The following SPTB variants were observed in gnomAD, a reference collection of about 807,000 sequenced individuals.
The protein encoded by SPTB is spectrin beta chain, erythrocytic.
A neutral mutation model predicts 256.2 loss-of-function variants in SPTB; 45 were observed. The ratio of observed to expected loss-of-function variants is 0.18; its 90% CI spans 0.14 to 0.23. SPTB has a LOEUF of 0.23. Ranked by LOEUF, SPTB falls within the 10% of genes least tolerant of loss-of-function variation. The pLI is 1.00. For missense variants in SPTB, 2,715 were observed against 3,040.4 expected, an observed-to-expected ratio of 0.89 and a Z score of 2.52; for synonymous variants, 1,231 against 1,243.1, an observed-to-expected ratio of 0.99 and a Z score of 0.21.
In SPTB at chr14:64,748,353, G is replaced by A. The variant is rs1030050808; in HGVS notation, c.*953C>T. On this transcript the variant is annotated 3_prime_UTR_variant, in exon 36 of 36. Coordinates refer to ENST00000644917, the MANE Select transcript of SPTB (RefSeq NM_001355436.2). Reference sequence around the variant, plus strand: ...GGGGGCCCACACTGTCCCGTAGGGGGCCTATGTCTGTTGGATATTGCTGGT... The same window carrying A: ...GGGGGCCCACACTGTCCCGTAGGGGACCTATGTCTGTTGGATATTGCTGGT... The A allele has an allele frequency of 1.1e-4, 17 of 152,420 alleles. No homozygotes were observed. The highest frequency in any genetic ancestry group is 3.4e-4 in the African/African-American group (14 of 41,578). The allele number at this position is 152,420 out of a possible 1,614,324, so 9.4% of individuals were successfully genotyped here.
rs557762863 is a variant in SPTB, at chr14:64,852,280, G to A, written c.-52+27512C>T. ...GGCACAACAGGGAAGTAAGAGGAAA[G>A]CATATGTGGAGGCATGGAAGGATGG... On this transcript the variant is annotated intron_variant, in intron 1 of 35. Coordinates refer to ENST00000644917, the MANE Select transcript of SPTB (RefSeq NM_001355436.2). The surrounding 1 kb of genome is among the most constrained non-coding windows in gnomAD (Gnocchi z 4.2). Among the ~76,000 whole-genome samples the A allele has an allele frequency of 6.6e-6, 1 of 152,212 alleles. No homozygotes were observed. The highest frequency in any genetic ancestry group is 2.4e-5 in the African/African-American group (1 of 41,522).
In SPTB at chr14:64,787,039, C is replaced by A; in HGVS notation, c.2926G>T (p.Val976Leu). ...CCCAGGTCTTTTGTGGACTCCACTA[C>A]CTTTGTCTTGTCCGTGATCCACTTG... ...TSKWITDKTK[V>L]VESTKDLGRD... The change falls in exon 16 of 36, where the codon GTA (valine) becomes TTA (leucine). Residue 976 changes from valine (V) to leucine (L), a missense_variant. Physicochemically the swap from Val to Leu is conservative, Grantham distance 32. This residue lies in a region of SPTB where 2,239 missense variants were observed against 2,384.4 expected (regional missense o/e 0.94). Transcript: ENST00000644917. The A allele has an allele frequency of 1.2e-6, 2 of 1,614,074 alleles. No individual in the cohort carries two copies. The highest frequency in any genetic ancestry group is 3.3e-5 in the Admixed American group (2 of 60,016).
rs950925769 is a variant in SPTB, at chr14:64,844,551, C to T, written c.-51-21406G>A. 6.6e-6 allele frequency among the ~76,000 whole-genome samples: 1 copy of T among 152,216 alleles called. No homozygotes were observed. The highest frequency in any genetic ancestry group is 2.4e-5 in the African/African-American group (1 of 41,450). On this transcript the variant is annotated intron_variant, in intron 1 of 35. Transcript: ENST00000644917. This position sits in a 1 kb window ranked among gnomAD's most constrained non-coding sequence, Gnocchi z 4.1. The stretch of plus-strand genomic sequence containing the variant: ...GTTAAGCTACTTGCCCAAAGTCACA[C>T]AACTGTGAGAAGCCTGATGCCGGTC...
intron 32 of SPTB, among the ~76,000 whole-genome samples, chr14:64,765,017 A>AGTGTGTGTGTGTGTGTGT (rs749379191): frequency 0.02 from 2,160 of 108,518 alleles, 32 homozygotes; most frequent in African/African-American, 0.028. Flanking sequence ...GCCACAGAGG[A>AGTGTGTGTGTGTGTGTGT]GTGTGTGCGT....
chr14:64,867,381 C>A (rs1882249047), intron 1 of SPTB, among the ~76,000 whole-genome samples: 1 of 152,192 alleles, frequency 6.6e-6, no homozygotes, highest in South Asian at 2.1e-4. Context: ...GTCTCTTCCT[C>A]AAGGAACTCA....
Position 64,816,678 on chromosome 14 carries a change from T to G in SPTB, c.148+6269A>C, listed in dbSNP as rs758064405. Among the ~76,000 whole-genome samples the G allele has an allele frequency of 6.2e-4, 94 of 152,240 alleles. No homozygotes were observed. Among genetic ancestry groups the G allele is most frequent in the Non-Finnish European group, 5.9e-5 (4 of 68,044 alleles). ...TCCCAAGTCTGAAGGCCAAAGGGTT[T>G]GGAGGCAAAATGCTCCCAGAGACTC... On this transcript the variant is annotated intron_variant, in intron 2 of 35. Transcript: ENST00000644917. The surrounding 1 kb of genome is among the most constrained non-coding windows in gnomAD (Gnocchi z 4.2).
chr14:64,765,021 T>TGTGC lies in SPTB; in HGVS notation c.6345+1701_6345+1704dup, dbSNP rs1426261149. Among the ~76,000 whole-genome samples the TGTGC allele has an allele frequency of 6.9e-5, 7 of 101,882 alleles. No individual in the cohort carries two copies. The South Asian group carries it at 1.0e-3, about 15-fold the overall frequency. 66.8% of individuals were successfully genotyped at this position (101,882 alleles called of 152,430 possible). On this transcript the variant is annotated intron_variant, in intron 32 of 35. Coordinates refer to ENST00000644917, the MANE Select transcript of SPTB (RefSeq NM_001355436.2). ...CCAGGCTGGAGGCCACAGAGGAGTG[T>TGTGC]GTGCGTGTGTGTGTGTGTGTGCGCG...
In SPTB at chr14:64,753,652, C is replaced by A; in HGVS notation, c.6487G>T (p.Gly2163Cys). The A allele has an allele frequency of 6.2e-7, 1 of 1,613,686 alleles. No homozygotes were observed. The highest frequency in any genetic ancestry group is 8.5e-7 in the Non-Finnish European group (1 of 1,180,028). The change falls in exon 33 of 36, where the codon GGT (glycine) becomes TGT (cysteine). Residue 2163 changes from glycine (G) to cysteine (C), a missense_variant. This residue lies in a region of SPTB where 2,239 missense variants were observed against 2,384.4 expected (regional missense o/e 0.94). Coordinates refer to ENST00000644917, the MANE Select transcript of SPTB (RefSeq NM_001355436.2). ...GCCGGCAGCGTTGCGGGCTCATCAC[C>A]CTCGCTCAGAGGCGTATCTAGGACC... Reference protein sequence around the residue: ...FKVLDTPLSEGDEPATLPAPR... With the variant: ...FKVLDTPLSECDEPATLPAPR...
intron 26 of SPTB, among the ~76,000 whole-genome samples, chr14:64,771,883 C>T (rs530681597): frequency 9.5e-4 from 145 of 152,302 alleles, no homozygotes; most frequent in African/African-American, 3.3e-3. Flanking sequence ...CCTGGGATTG[C>T]GCAGCCAGCC....
intron 1 of SPTB, among the ~76,000 whole-genome samples, chr14:64,867,382 A>C (rs1882249223): frequency 6.6e-6 from 1 of 152,172 alleles, no homozygotes; most frequent in South Asian, 2.1e-4. Context: ...TCTCTTCCTC[A>C]AGGAACTCAT....
chr14:64,828,209 C>T (rs904460065), intron 1 of SPTB, among the ~76,000 whole-genome samples: 2 of 151,540 alleles, frequency 1.3e-5, no homozygotes, highest in Admixed American at 1.3e-4. Context: ...TTCTGTCACC[C>T]GGCAGGGGCT....
Position 64,816,542 on chromosome 14 carries a change from CA to C in SPTB, c.148+6404del, listed in dbSNP as rs2083193696. Among the ~76,000 whole-genome samples the C allele has an allele frequency of 6.6e-6, 1 of 152,116 alleles. No homozygotes were observed. The highest frequency in any genetic ancestry group is 1.5e-5 in the Non-Finnish European group (1 of 68,026). On this transcript the variant is annotated intron_variant, in intron 2 of 35. Coordinates refer to ENST00000644917, the MANE Select transcript of SPTB (RefSeq NM_001355436.2). This position sits in a 1 kb window ranked among gnomAD's most constrained non-coding sequence, Gnocchi z 4.2. ...TATAGTTCCCAGCAAATCTTCATAG[CA>C]AATTTGTCATAATTTGCTATGCACG...
chr14:64,874,865 C>A (rs545267691), intron 1 of SPTB, among the ~76,000 whole-genome samples: 1 of 152,142 alleles, frequency 6.6e-6, no homozygotes, highest in Non-Finnish European at 1.5e-5. Context: ...AATTATTGTT[C>A]TTTAGCTATC....
chr14:64,813,894 A>G (rs1430305032), intron 2 of SPTB, among the ~76,000 whole-genome samples: 2 of 152,236 alleles, frequency 1.3e-5, no homozygotes, highest in South Asian at 2.1e-4. Flanking sequence ...AATCCATAAT[A>G]AAGCCTAGCA....
rs1483452726 is a variant in SPTB, at chr14:64,758,512, C to A, written c.6346-4719G>T. ...GCCCCAGAAGCCAAAGGCAGAGGCCCCAGGTCCGGCCAAAGACAACGGCGT... is the reference window on the plus strand; with the variant it reads ...GCCCCAGAAGCCAAAGGCAGAGGCCACAGGTCCGGCCAAAGACAACGGCGT... On this transcript the variant is annotated intron_variant, in intron 32 of 35. Coordinates refer to ENST00000644917, the MANE Select transcript of SPTB (RefSeq NM_001355436.2). This position sits in a 1 kb window ranked among gnomAD's most constrained non-coding sequence, Gnocchi z 4.6. 2.0e-5 allele frequency among the ~76,000 whole-genome samples: 3 copies of A among 152,248 alleles called. No homozygotes were observed. The highest frequency in any genetic ancestry group is 3.2e-3 in the Middle Eastern group (1 of 316).
rs2082287587 is a variant in SPTB, at chr14:64,772,199, T to G, written c.5553+381A>C. Among the ~76,000 whole-genome samples, 1 of 152,284 alleles carries G rather than the reference T, an allele frequency of 6.6e-6. No homozygotes were observed. Among genetic ancestry groups the G allele is most frequent in the East Asian group, 1.9e-4 (1 of 5,180 alleles). On this transcript the variant is annotated intron_variant, in intron 26 of 35. Coordinates refer to ENST00000644917, the MANE Select transcript of SPTB (RefSeq NM_001355436.2). The surrounding 1 kb of genome is among the most constrained non-coding windows in gnomAD (Gnocchi z 5.4). ...GGTCTTCTACCTCTCCCTTTTCTCA[T>G]CTACAAAGTGCAGGGAATATTAGTA...
At chr14:64,798,073 C>A (rs2082810327) in intron 9 of SPTB, among the ~76,000 whole-genome samples, 1 of 152,188 alleles carries the variant, frequency 6.6e-6, no homozygotes, top group African/African-American at 2.4e-5. Flanking sequence ...ACAATATAAA[C>A]CAGAGAAAAC....
chr14:64,763,816 G>A, intron 32 of SPTB: 1 of 519,038 alleles, frequency 1.9e-6, no homozygotes, highest in East Asian at 5.5e-5. Context: ...GGCAAGAGGT[G>A]AGGGAAGGCG....
rs1488528285 is a variant in SPTB at position 64,796,892 on chromosome 14, C to T, written c.1183-177G>A. Among the ~76,000 whole-genome samples, 2 of 152,122 alleles carry T rather than the reference C, an allele frequency of 1.3e-5. No homozygotes were observed. Among genetic ancestry groups the T allele is most frequent in the African/African-American group, 2.4e-5 (1 of 41,412 alleles). On this transcript the variant is annotated intron_variant, in intron 10 of 35. Coordinates refer to ENST00000644917, the MANE Select transcript of SPTB (RefSeq NM_001355436.2). The surrounding 1 kb of genome is among the most constrained non-coding windows in gnomAD (Gnocchi z 4.1). ...AAAGCCTTTGGCTTTCATGTCTGGG[C>T]CCATCAAAGATTCAGAGGGCACTGC...
Sources: allele counts gnomAD v4.1 joint callset (sites outside exome capture counted in the v4.1 genomes callset), GRCh38; gene constraint gnomAD v4.1.1; regional missense constraint gnomAD v4.1.1; non-coding constraint Gnocchi (gnomAD v3.1); transcripts MANE v1.5; gene names NCBI Gene and HGNC (gene_info 2026-07-23, HGNC 2026-07-21).